The following ADGRL2 variants were observed in gnomAD, a reference collection of about 807,000 sequenced individuals.
The protein encoded by ADGRL2 is calcium-independent alpha-latrotoxin receptor 2.
A neutral mutation model predicts 157.4 loss-of-function variants in ADGRL2; 44 were observed. That is an observed-to-expected ratio of 0.28 (90% CI 0.22 to 0.36). The LOEUF is 0.36. Among genes scored for constraint, ADGRL2 ranks in the 10% least tolerant of loss-of-function variants. The pLI, the probability that ADGRL2 is intolerant of heterozygous loss-of-function variation, is 1.00. For synonymous variants in ADGRL2, 585 were observed against 624.7 expected (o/e 0.94, Z 0.95); for missense variants, 1,510 against 1,768.9 (o/e 0.85, Z 2.63).
chr1:81,980,840 G>A (rs1292676620), intron 18 of ADGRL2: 2 of 708,984 alleles, frequency 2.8e-6, no homozygotes, highest in African/African-American at 1.7e-5. Flanking sequence ...ACTTACCTGG[G>A]TAAGGTAGAA....
At chr1:81,941,998 C>T (rs1557959714) in intron 4 of ADGRL2, 36 bp from the exon 5 acceptor site, 1 of 762,136 alleles carries the variant, frequency 1.3e-6, no homozygotes, top group South Asian at 1.4e-5. Context: ...TTCCTTGCAC[C>T]TTTTTTATTT....
At chr1:81,399,743 T>C (rs548658803) in intron 1 of ADGRL2, among the ~76,000 whole-genome samples, 1 of 152,334 alleles carries the variant, frequency 6.6e-6, no homozygotes, top group African/African-American at 2.4e-5. Context: ...TGAGTTGCCT[T>C]AAGATTATTA....
chr1:81,507,668 G>A (rs1421416091), intron 2 of ADGRL2, among the ~76,000 whole-genome samples: 1 of 152,176 alleles, frequency 6.6e-6, no homozygotes, highest in Non-Finnish European at 1.5e-5. Flanking sequence ...TGAGGGGAAC[G>A]ATGATAGGGA....
intron 1 of ADGRL2, among the ~76,000 whole-genome samples, chr1:81,743,378 T>C (rs936506725): frequency 1.0e-4 from 14 of 140,306 alleles, no homozygotes; most frequent in Non-Finnish European, 2.1e-4. Context: ...GAAAGCAGAG[T>C]GCTAATAACA....
intron 2 of ADGRL2, among the ~76,000 whole-genome samples, chr1:81,493,982 G>C (rs2078683651): frequency 6.6e-6 from 1 of 152,068 alleles, no homozygotes; most frequent in African/African-American, 2.4e-5. Flanking sequence ...ACAAGATAGA[G>C]GCACTTTCTG....
chr1:81,713,763 T>G (rs2084015260), intron 1 of ADGRL2, among the ~76,000 whole-genome samples: 1 of 152,126 alleles, frequency 6.6e-6, no homozygotes, highest in Non-Finnish European at 1.5e-5. Flanking sequence ...AGTAAGTAAA[T>G]GATGGAAATA....
rs541359853 is a variant in ADGRL2 at position 81,623,280 on chromosome 1, A to C, written c.-143+42300A>C. Among the ~76,000 whole-genome samples, 3 of 152,376 alleles carry C rather than the reference A, an allele frequency of 2.0e-5. No individual in the cohort carries two copies. In the East Asian group the frequency reaches 5.8e-4, roughly 29 times the overall value. ...AAGACATTGACAGATATTTCAAAGA[A>C]CAAACAAGAGAACTTCAAGACAAAT... On this transcript the variant is annotated intron_variant, in intron 3 of 24. Coordinates refer to the ADGRL2 transcript ENST00000370721.
chr1:81,862,499 A>T (rs1210730379), intron 2 of ADGRL2, among the ~76,000 whole-genome samples: 3 of 152,174 alleles, frequency 2.0e-5, no homozygotes, highest in Non-Finnish European at 4.4e-5. Context: ...ATAGATCTTG[A>T]TTCAAAGCTA....
intron 17 of ADGRL2, among the ~76,000 whole-genome samples, chr1:81,978,291 A>G (rs1034032530): frequency 6.6e-6 from 1 of 151,752 alleles, no homozygotes; most frequent in Non-Finnish European, 1.5e-5. Context: ...GAAATGTATC[A>G]TATTGTAACA....
At chr1:81,891,292 C>A (rs1234048506) in intron 2 of ADGRL2, among the ~76,000 whole-genome samples, 1 of 151,688 alleles carries the variant, frequency 6.6e-6, no homozygotes, top group Non-Finnish European at 1.5e-5. Context: ...TTTTAAAATA[C>A]TTCTTTACTT....
intron 1 of ADGRL2, among the ~76,000 whole-genome samples, chr1:81,351,636 G>C (rs1662899240): frequency 6.6e-6 from 1 of 152,004 alleles, no homozygotes; most frequent in South Asian, 2.1e-4. Context: ...ATTTTACCCA[G>C]CACGTCAAAC....
At chr1:81,649,570 T>C (rs2082373264) in intron 3 of ADGRL2, among the ~76,000 whole-genome samples, 2 of 152,220 alleles carry the variant, frequency 1.3e-5, no homozygotes, top group Non-Finnish European at 2.9e-5. Context: ...TTGTTTCTTT[T>C]ACTCCACCTC....
chr1:81,842,774 C>T (rs186361473), intron 2 of ADGRL2, among the ~76,000 whole-genome samples: 1 of 152,268 alleles, frequency 6.6e-6, no homozygotes, highest in African/African-American at 2.4e-5. Context: ...GCTCTTAAAA[C>T]TCTTGTTTCA....
intron 1 of ADGRL2, among the ~76,000 whole-genome samples, chr1:81,397,740 A>G (rs1279993026): frequency 6.6e-6 from 1 of 152,198 alleles, no homozygotes; most frequent in Non-Finnish European, 1.5e-5. Flanking sequence ...CATGTGGTCT[A>G]TGCTGAAGAA....
chr1:81,599,121 A>T (rs2081290508), intron 3 of ADGRL2, among the ~76,000 whole-genome samples: 1 of 152,240 alleles, frequency 6.6e-6, no homozygotes. Flanking sequence ...TTCTTACAAT[A>T]AGTTGAATGT....
intron 11 of ADGRL2, among the ~76,000 whole-genome samples, chr1:81,957,346 G>A (rs1653848997): frequency 1.3e-5 from 2 of 152,072 alleles, no homozygotes; most frequent in African/African-American, 4.8e-5. Context: ...GATATATTCT[G>A]AACAATTAAA....
At chr1:81,359,045 C>G (rs570437138) in intron 1 of ADGRL2, among the ~76,000 whole-genome samples, 1 of 151,656 alleles carries the variant, frequency 6.6e-6, no homozygotes, top group South Asian at 2.1e-4. Flanking sequence ...GTGGAAGGGA[C>G]TTGGGTTCTG....
chr1:81,416,277 A>G (rs2077032368), intron 1 of ADGRL2, among the ~76,000 whole-genome samples: 1 of 151,580 alleles, frequency 6.6e-6, no homozygotes, highest in Non-Finnish European at 1.5e-5. Context: ...TTTTTTAAAT[A>G]TAGAAACTGT....
Position 81,579,204 on chromosome 1 carries a change from G to T in ADGRL2, c.-247-1672G>T, listed in dbSNP as rs757996982. On this transcript the variant is annotated intron_variant, in intron 2 of 24. Transcript: ENST00000370721. ...TGGTTTAAGCTAAAGCAATGCAAAA[G>T]GAACTCTATCAACTCAAAGAGCATC... is the stretch of plus-strand genomic sequence containing the variant. 3 of 152,226 alleles carry T rather than the reference G, an allele frequency of 2.0e-5. No homozygotes were observed. The East Asian group carries it at 5.8e-4, about 29-fold the overall frequency. The allele number at this position is 152,226 out of a possible 1,614,324, so 9.4% of individuals were successfully genotyped here.
Sources: allele counts gnomAD v4.1 joint callset (sites outside exome capture counted in the v4.1 genomes callset), GRCh38; gene constraint gnomAD v4.1.1; transcripts MANE v1.5; gene names NCBI Gene and HGNC (gene_info 2026-07-23, HGNC 2026-07-21).